The following ATAD1 variants were observed in gnomAD, a reference collection of about 807,000 sequenced individuals.
ATAD1 encodes outer mitochondrial transmembrane helix translocase.
ATAD1 carries 18 observed loss-of-function variants against 42.7 expected under a neutral mutation model. The ratio of observed to expected loss-of-function variants is 0.42; its 90% CI spans 0.29 to 0.63. The LOEUF (loss-of-function observed/expected upper bound fraction) is 0.63, where lower values mean the gene tolerates loss of function less well. ATAD1 is among the 20% of genes least tolerant of loss of function. The pLI, the probability that ATAD1 is intolerant of heterozygous loss-of-function variation, is 0.19. For synonymous variants in ATAD1, 132 were observed against 143.1 expected, an observed-to-expected ratio of 0.92 and a Z score of 0.55; for missense variants, 294 against 440.4, an observed-to-expected ratio of 0.67 and a Z score of 2.98.
chr10:87,828,213 T>C (rs1283647389), intron 1 of ATAD1, among the ~76,000 whole-genome samples: 1 of 152,138 alleles, frequency 6.6e-6, no homozygotes, highest in Admixed American at 6.6e-5. Flanking sequence ...TCCTCCCATA[T>C]TGGCCTCCCA....
chr10:87,798,625 G>GTGTGTGTGTGTGTGTGTGTGTGTGTGTGT lies in ATAD1; in HGVS notation c.163-5871_163-5870insACACACACACACACACACACACACACACA, dbSNP rs567973402. On this transcript the variant is annotated intron_variant, in intron 2 of 9. Transcript: ENST00000680024. Reference sequence around the variant, plus strand: ...AAGTTCCAAAGTAAAAGCTATAGGGGGTGTGTGTGTGTGTGTGTGTGTGTG... The same window carrying GTGTGTGTGTGTGTGTGTGTGTGTGTGTGT: ...AAGTTCCAAAGTAAAAGCTATAGGGGTGTGTGTGTGTGTGTGTGTGTGTGTGTGTGTGTGTGTGTGTGTGTGTGTGTGTG... 5.2e-3 allele frequency among the ~76,000 whole-genome samples: 649 copies of GTGTGTGTGTGTGTGTGTGTGTGTGTGTGT among 124,872 alleles called. 14 individuals carry two copies. Among genetic ancestry groups the GTGTGTGTGTGTGTGTGTGTGTGTGTGTGT allele is most frequent in the African/African-American group, 0.011 (356 of 32,828 alleles). 81.9% of individuals were successfully genotyped at this position (124,872 alleles called of 152,430 possible).
chr10:87,781,216 T>A (rs1315491208), intron 5 of ATAD1, among the ~76,000 whole-genome samples: 3 of 152,010 alleles, frequency 2.0e-5, no homozygotes, highest in Non-Finnish European at 4.4e-5. Context: ...AAAATTAGAA[T>A]TTCAGAAAAG....
intron 4 of ATAD1, among the ~76,000 whole-genome samples, chr10:87,789,697 G>A (rs957658893): frequency 6.6e-6 from 1 of 151,994 alleles, no homozygotes; most frequent in Non-Finnish European, 1.5e-5. Flanking sequence ...ATTTCAACTT[G>A]GGTGACACAG....
At chr10:87,828,896 A>G (rs1278125910) in intron 1 of ATAD1, among the ~76,000 whole-genome samples, 1 of 152,232 alleles carries the variant, frequency 6.6e-6, no homozygotes, top group Non-Finnish European at 1.5e-5. Context: ...ATGACAGCAC[A>G]TCTTTTTACA....
intron 5 of ATAD1, among the ~76,000 whole-genome samples, chr10:87,782,981 C>T (rs1314591993): frequency 6.9e-6 from 1 of 145,774 alleles, no homozygotes; most frequent in Non-Finnish European, 1.5e-5. Context: ...CATGACAGAG[C>T]GTGAAAAAAA....
chr10:87,772,221 T>TTTC (rs1564746882), intron 6 of ATAD1, among the ~76,000 whole-genome samples: 13 of 151,594 alleles, frequency 8.6e-5, no homozygotes, highest in African/African-American at 1.2e-4. Context: ...TTCTTTCTTT[T>TTTC]TTTTTTTGAA....
intron 4 of ATAD1, among the ~76,000 whole-genome samples, chr10:87,789,387 T>G (rs765445376): frequency 6.6e-6 from 1 of 152,170 alleles, no homozygotes; most frequent in Non-Finnish European, 1.5e-5. Flanking sequence ...TTATTTACAC[T>G]CCATCTGAAT....
At chr10:87,809,579 G>A (rs553284903) in intron 2 of ATAD1, among the ~76,000 whole-genome samples, 1 of 150,242 alleles carries the variant, frequency 6.7e-6, no homozygotes, top group Non-Finnish European at 1.5e-5. Flanking sequence ...GTTTAAACAC[G>A]TTGTTTGTTG....
intron 4 of ATAD1, among the ~76,000 whole-genome samples, chr10:87,789,982 GAAAAC>G (rs895537103): frequency 1.3e-5 from 2 of 151,992 alleles, no homozygotes; most frequent in Non-Finnish European, 2.9e-5. Context: ...GTCTTGGCTT[GAAAAC>G]AAAACAAAAC....
At chr10:87,821,402 G>A (rs1344480952), upstream of ATAD1, among the ~76,000 whole-genome samples, 2 of 151,916 alleles carry the variant, frequency 1.3e-5, no homozygotes, top group Non-Finnish European at 2.9e-5. Flanking sequence ...TGTGGTGGCG[G>A]GCACCTGTAA....
At chr10:87,822,092 T>C (rs1022514359), upstream of ATAD1, among the ~76,000 whole-genome samples, 28 of 152,160 alleles carry the variant, frequency 1.8e-4, no homozygotes, top group Non-Finnish European at 3.8e-4. Flanking sequence ...TTTGAATAAG[T>C]AAACACAGTA....
intron 4 of ATAD1, 35 bp from the exon 5 acceptor site, chr10:87,784,705 G>T (rs771820826): frequency 6.4e-7 from 1 of 1,570,786 alleles, no homozygotes; most frequent in Non-Finnish European, 8.7e-7. Flanking sequence ...ACCTTTAAGG[G>T]GATATTTGCT....
intron 2 of ATAD1, 37 bp downstream of exon 2, chr10:87,814,401 C>A: frequency 6.6e-7 from 1 of 1,518,588 alleles, no homozygotes; most frequent in Middle Eastern, 2.2e-4. Context: ...TACTTGTTAG[C>A]CACAAGAAAA....
At position 87,790,433 on chromosome 10, in the gene ATAD1, G is replaced by T; in HGVS notation, c.262-3C>A. The T allele has an allele frequency of 6.3e-7, 1 of 1,594,700 alleles. No homozygotes were observed. The highest frequency in any genetic ancestry group is 8.5e-7 in the Non-Finnish European group (1 of 1,175,132). ...CCTGCTATATCACTCCAAGTAACCT[G>T]GCAAAAGTTAAGGTCAACATGAATT... On this transcript the variant is annotated splice_region_variant and splice_polypyrimidine_tract_variant and intron_variant, in intron 3 of 9. Coordinates refer to ENST00000680024, the MANE Select transcript of ATAD1 (RefSeq NM_001321967.2).
At chr10:87,815,772 A>G (rs1857389332) in intron 1 of ATAD1, among the ~76,000 whole-genome samples, 1 of 152,082 alleles carries the variant, frequency 6.6e-6, no homozygotes, top group South Asian at 2.1e-4. Context: ...AAAAGACCCC[A>G]AAGTATTTCC....
intron 1 of ATAD1, among the ~76,000 whole-genome samples, chr10:87,825,308 C>CTTT (rs1267573215): frequency 1.1e-4 from 14 of 132,930 alleles, no homozygotes; most frequent in Admixed American, 1.6e-4. Context: ...AAATCTTAAC[C>CTTT]TTTTTTTTTT....
rs1856328387 is a variant in ATAD1, at chr10:87,795,286, AAACT to A, written c.163-2535_163-2532del. On this transcript the variant is annotated intron_variant, in intron 2 of 9. Coordinates refer to ENST00000680024, the MANE Select transcript of ATAD1 (RefSeq NM_001321967.2). Reference sequence around the variant, plus strand: ...AAACACACCAAAACTGCCACCAAACAAACTGTGTCCCAGGAAGAAGTTATACAAT... The same window carrying A: ...AAACACACCAAAACTGCCACCAAACAGTGTCCCAGGAAGAAGTTATACAAT... Among the ~76,000 whole-genome samples, 3 of 152,202 alleles carry A rather than the reference AAACT, an allele frequency of 2.0e-5. No individual in the cohort carries two copies. In the South Asian group the frequency reaches 6.2e-4, roughly 32 times the overall value.
chr10:87,797,043 T>C (rs1332832634), intron 2 of ATAD1, among the ~76,000 whole-genome samples: 1 of 152,180 alleles, frequency 6.6e-6, no homozygotes, highest in Non-Finnish European at 1.5e-5. Flanking sequence ...GCTTCTAGGA[T>C]GTAGAGAGCA....
rs190681214 is a variant in ATAD1, at chr10:87,794,833, A to G, written c.163-2078T>C. On this transcript the variant is annotated intron_variant, in intron 2 of 9. Coordinates refer to ENST00000680024, the MANE Select transcript of ATAD1 (RefSeq NM_001321967.2). Reference sequence around the variant, plus strand: ...TTCCTAAATAAAAAATGACAAATGAATAATGTTTAGTTTACATAGAGACAG... The same window carrying G: ...TTCCTAAATAAAAAATGACAAATGAGTAATGTTTAGTTTACATAGAGACAG... Among the ~76,000 whole-genome samples the G allele has an allele frequency of 3.2e-4, 49 of 152,052 alleles. No individual in the cohort carries two copies. In the East Asian group the frequency reaches 6.5e-3, roughly 20 times the overall value.
Sources: allele counts gnomAD v4.1 joint callset (sites outside exome capture counted in the v4.1 genomes callset), GRCh38; gene constraint gnomAD v4.1.1; transcripts MANE v1.5; gene names NCBI Gene and HGNC (gene_info 2026-07-23, HGNC 2026-07-21).